SORCS3: variants seen among roughly 807,000 people sequenced by gnomAD.
SORCS3 encodes sortilin related VPS10 domain containing receptor 3.
A neutral mutation model predicts 146.3 loss-of-function variants in SORCS3; 57 were observed. That is an observed-to-expected ratio of 0.39 (90% CI 0.31 to 0.49). The LOEUF (loss-of-function observed/expected upper bound fraction) is 0.49. Among genes scored for constraint, SORCS3 ranks in the 20% least tolerant of loss-of-function variants. The probability of loss-of-function intolerance (pLI) is 0.92; values close to 1 mark genes in which losing one functional copy is unlikely to be tolerated. For missense variants in SORCS3, 1,341 were observed against 1,575.5 expected, an observed-to-expected ratio of 0.85 and a Z score of 2.52; for synonymous variants, 653 against 618.5, an observed-to-expected ratio of 1.06 and a Z score of -0.83.
At chr10:105,014,652 C>T (rs560027257) in intron 4 of SORCS3, among the ~76,000 whole-genome samples, 3 of 152,152 alleles carry the variant, frequency 2.0e-5, no homozygotes, top group African/African-American at 7.2e-5. Flanking sequence ...ATAGGAAACA[C>T]TAACAAAAAA....
chr10:104,873,562 G>C (rs953750147), intron 2 of SORCS3, among the ~76,000 whole-genome samples: 1 of 152,142 alleles, frequency 6.6e-6, no homozygotes, highest in Admixed American at 6.5e-5. Context: ...TTGCCTTTTG[G>C]GGGCAGAGCA....
At chr10:104,674,006 G>A (rs181691918) in intron 1 of SORCS3, among the ~76,000 whole-genome samples, 15 of 152,064 alleles carry the variant, frequency 9.9e-5, no homozygotes, top group Admixed American at 5.9e-4. Context: ...ATACATTTTC[G>A]GTGTCCATTT....
chr10:104,745,144 C>T (rs754068699), intron 1 of SORCS3, among the ~76,000 whole-genome samples: 2 of 152,084 alleles, frequency 1.3e-5, no homozygotes, highest in Non-Finnish European at 1.5e-5. Flanking sequence ...TGGGTCTTTG[C>T]GAGTTTGAAG....
At chr10:105,108,616 T>C (rs913063060) in intron 7 of SORCS3, among the ~76,000 whole-genome samples, 2 of 152,126 alleles carry the variant, frequency 1.3e-5, no homozygotes, top group African/African-American at 4.8e-5. Context: ...AGGTGCTAGA[T>C]CCCACTGGGC....
At chr10:104,858,684 T>C (rs113328818) in intron 2 of SORCS3, among the ~76,000 whole-genome samples, 7,852 of 150,916 alleles carry the variant, frequency 0.052, 242 homozygotes, top group East Asian at 0.12. Context: ...TGCAATGGTG[T>C]GATCTCGGCT....
At chr10:104,791,170 G>A (rs1351536201) in intron 1 of SORCS3, among the ~76,000 whole-genome samples, 2 of 152,178 alleles carry the variant, frequency 1.3e-5, no homozygotes, top group Non-Finnish European at 2.9e-5. Flanking sequence ...CAGTGGGGGT[G>A]TGTATGTCTG....
intron 1 of SORCS3, among the ~76,000 whole-genome samples, chr10:104,711,689 CAG>C (rs2133439004): frequency 6.6e-6 from 1 of 152,348 alleles, no homozygotes; most frequent in South Asian, 2.1e-4. Flanking sequence ...TGCATAGAGA[CAG>C]ATTCAAGGTG....
rs986496144 is a variant in SORCS3, at chr10:104,641,564, C to G, written c.237C>G (p.Ala79=). 6.8e-7 allele frequency: 1 copy of G among 1,464,780 alleles called. No individual in the cohort carries two copies. The highest frequency in any genetic ancestry group is 8.9e-7 in the Non-Finnish European group (1 of 1,119,456). 90.7% of individuals were successfully genotyped at this position (1,464,780 alleles called of 1,614,324 possible). A position where few individuals can be genotyped will look rare whatever the true frequency, so the allele number is the denominator to read the frequency against. The change falls in exon 1 of 27, where the codon GCC becomes GCG. Residue 79 remains alanine (A), a synonymous_variant. Transcript: ENST00000369701. The surrounding 1 kb of genome is among the most constrained non-coding windows in gnomAD (Gnocchi z 6.4). ...AGCTGGCGTCGGCGCGGAGAGCCGC[C>G]GTGCTGGGGCGCCGGGCCGGACCAG... is the stretch of plus-strand genomic sequence containing the variant. ...PEELASARRA[A]VLGRRAGPEL...
chr10:105,111,385 C>T (rs1289942952), intron 7 of SORCS3, among the ~76,000 whole-genome samples: 1 of 152,166 alleles, frequency 6.6e-6, no homozygotes, highest in East Asian at 1.9e-4. Context: ...TCTCTTGCTT[C>T]TCCTGCTCTT....
chr10:105,251,755 C>T (rs1006892420), intron 22 of SORCS3, among the ~76,000 whole-genome samples: 1 of 152,184 alleles, frequency 6.6e-6, no homozygotes, highest in African/African-American at 2.4e-5. Flanking sequence ...AAAAATTTGC[C>T]TTCAGACAGA....
At chr10:104,780,136 A>AG (rs766201218) in intron 1 of SORCS3, among the ~76,000 whole-genome samples, 1,154 of 56,368 alleles carry the variant, frequency 0.02, 3 homozygotes, top group Non-Finnish European at 0.025. Flanking sequence ...GAGAGGAGGC[A>AG]GTTTTTTTTT....
intron 13 of SORCS3, among the ~76,000 whole-genome samples, chr10:105,176,861 C>T (rs2056408823): frequency 6.6e-6 from 1 of 151,404 alleles, no homozygotes; most frequent in African/African-American, 2.4e-5. Context: ...CTCAAACAAA[C>T]AAACAAACAA....
At chr10:105,223,278 T>G in intron 20 of SORCS3, 29 bp downstream of exon 20, 1 of 1,595,500 alleles carries the variant, frequency 6.3e-7, no homozygotes, top group Non-Finnish European at 8.6e-7. Context: ...GATGTCAAAT[T>G]AGATCTGTAC....
At chr10:105,042,953 T>C (rs565338876) in intron 4 of SORCS3, 102 bp from the exon 5 acceptor site, 1 of 888,828 alleles carries the variant, frequency 1.1e-6, no homozygotes, top group East Asian at 2.4e-5. Flanking sequence ...CCTACTTGGG[T>C]GTGTTGGGCA....
intron 4 of SORCS3, among the ~76,000 whole-genome samples, chr10:105,015,310 T>G (rs790650): frequency 0.046 from 7,031 of 152,268 alleles, 216 homozygotes; most frequent in East Asian, 0.16. Context: ...AGGAGACACA[T>G]GCATGAATGT....
intron 20 of SORCS3, among the ~76,000 whole-genome samples, chr10:105,229,427 ATGTTTTCTGTGTCCTTACAT>A (rs2056754441): frequency 2.0e-5 from 3 of 152,106 alleles, no homozygotes; most frequent in Admixed American, 2.0e-4. Flanking sequence ...GCTTTTTAAA[ATGTTTTCTGTGTCCTTACAT>A]TGATATCTGT....
At chr10:104,990,995 C>T (rs2133662390) in intron 4 of SORCS3, among the ~76,000 whole-genome samples, 1 of 152,258 alleles carries the variant, frequency 6.6e-6, no homozygotes, top group Admixed American at 6.5e-5. Context: ...CACTTACCAG[C>T]CCTTCCCTTG....
At chr10:104,908,642 A>T (rs941045647) in intron 2 of SORCS3, among the ~76,000 whole-genome samples, 3 of 150,972 alleles carry the variant, frequency 2.0e-5, no homozygotes, top group Non-Finnish European at 3.0e-5. Flanking sequence ...TTCAGAAATT[A>T]AAAAAAAAAT....
chr10:104,831,158 T>A (rs889109813), intron 1 of SORCS3, among the ~76,000 whole-genome samples: 9 of 152,180 alleles, frequency 5.9e-5, no homozygotes, highest in African/African-American at 2.2e-4. Context: ...ATGAGGATAC[T>A]GTCACTCTCT....
Sources: gnomAD v4.1 joint callset for allele counts (sites outside exome capture counted in the v4.1 genomes callset) on GRCh38, gnomAD v4.1.1 for gene constraint, Gnocchi (gnomAD v3.1) non-coding constraint, MANE v1.5 for transcripts, NCBI Gene and HGNC (gene_info 2026-07-23, HGNC 2026-07-21) for gene names.